MYO3A: variants seen among roughly 807,000 people sequenced by gnomAD.
MYO3A encodes the protein myosin-IIIa.
MYO3A carries 180 observed loss-of-function variants against 192.7 expected under a neutral mutation model. The observed-to-expected ratio is 0.93, with a 90% CI of 0.83 to 1.06. The LOEUF is 1.06. Among genes scored for constraint, MYO3A ranks in the 50% least tolerant of loss-of-function variants. The pLI, the probability that MYO3A is intolerant of heterozygous loss-of-function variation, is 0.00. For missense variants in MYO3A, 1,896 were observed against 1,905.0 expected (o/e 1.00, Z 0.09); for synonymous variants, 628 against 645.3 (o/e 0.97, Z 0.41).
At chr10:26,156,515 G>A (rs1318263344) in intron 25 of MYO3A, among the ~76,000 whole-genome samples, 5 of 152,088 alleles carry the variant, frequency 3.3e-5, no homozygotes, top group Non-Finnish European at 7.4e-5. Context: ...TCATATCTAT[G>A]TGAATTTTTT....
chr10:25,943,270 A>G (rs1291490677), intron 2 of MYO3A, among the ~76,000 whole-genome samples: 4 of 152,076 alleles, frequency 2.6e-5, no homozygotes, highest in Admixed American at 1.3e-4. Flanking sequence ...TACCAGTACC[A>G]CAATGATTTG....
chr10:26,178,858 G>A (rs1206455758), intron 31 of MYO3A, among the ~76,000 whole-genome samples: 1 of 151,510 alleles, frequency 6.6e-6, no homozygotes, highest in Non-Finnish European at 1.5e-5. Context: ...CTGTAGTGCA[G>A]TGGCGCGATC....
chr10:26,158,361 T>C (rs975761849), intron 26 of MYO3A, among the ~76,000 whole-genome samples: 16 of 150,238 alleles, frequency 1.1e-4, no homozygotes, highest in African/African-American at 4.0e-4. Flanking sequence ...CATGCCATTC[T>C]TCTGCCTCAG....
At chr10:26,147,346 T>C in intron 22 of MYO3A, 84 bp from the exon 23 acceptor site, 1 of 1,342,464 alleles carries the variant, frequency 7.4e-7, no homozygotes, top group Non-Finnish European at 1.1e-6. Flanking sequence ...ATAATGAGTA[T>C]CTGTTGTTGA....
chr10:26,208,427 T>G (rs1844073282), intron 34 of MYO3A, among the ~76,000 whole-genome samples: 1 of 152,218 alleles, frequency 6.6e-6, no homozygotes, highest in Admixed American at 6.5e-5. Context: ...GGTTTGAATC[T>G]GCACTCCACT....
At chr10:25,996,321 A>T (rs1840436360) in intron 4 of MYO3A, among the ~76,000 whole-genome samples, 169 bp from the exon 5 acceptor site, 1 of 152,222 alleles carries the variant, frequency 6.6e-6, no homozygotes, top group South Asian at 2.1e-4. Flanking sequence ...AATTTTACAC[A>T]AGTCTAAGTT....
intron 10 of MYO3A, among the ~76,000 whole-genome samples, chr10:26,061,861 A>ACAG: frequency 6.6e-6 from 1 of 151,964 alleles, no homozygotes; most frequent in African/African-American, 2.4e-5. Flanking sequence ...ATAAAAACAG[A>ACAG]AAATTCAGGG....
At chr10:26,138,448 C>A (rs1348247762) in intron 20 of MYO3A, among the ~76,000 whole-genome samples, 2 of 152,220 alleles carry the variant, frequency 1.3e-5, no homozygotes, top group East Asian at 3.9e-4. Context: ...TTTTAGAATT[C>A]TGTTAAAAGT....
chr10:26,157,248 C>T (rs1368124771), intron 25 of MYO3A, 62 bp from the exon 26 acceptor site: 3 of 1,430,110 alleles, frequency 2.1e-6, no homozygotes, highest in Non-Finnish European at 3.0e-6. Flanking sequence ...AAAAGAAAGG[C>T]CTACAAGCTC....
At chr10:26,009,342 C>A (rs1193053946) in intron 6 of MYO3A, among the ~76,000 whole-genome samples, 8 of 151,992 alleles carry the variant, frequency 5.3e-5, no homozygotes, top group Non-Finnish European at 7.4e-5. Context: ...ATGTAACTAA[C>A]CTGCACATTG....
intron 4 of MYO3A, among the ~76,000 whole-genome samples, chr10:25,959,578 C>A (rs532399421): frequency 2.0e-5 from 3 of 152,204 alleles, no homozygotes; most frequent in African/African-American, 7.2e-5. Flanking sequence ...TGTTTGGAGA[C>A]CTACCATGTG....
intron 31 of MYO3A, among the ~76,000 whole-genome samples, chr10:26,183,839 G>GAC (rs1313821113): frequency 6.6e-6 from 1 of 152,144 alleles, no homozygotes; most frequent in Non-Finnish European, 1.5e-5. Context: ...CTCAGAGCAG[G>GAC]ACAAGCACGT....
At chr10:26,008,082 A>G (rs1841359831) in intron 6 of MYO3A, among the ~76,000 whole-genome samples, 1 of 148,880 alleles carries the variant, frequency 6.7e-6, no homozygotes. Flanking sequence ...AACGCCGCAT[A>G]TCTACAACTA....
At position 26,110,545 on chromosome 10, in the gene MYO3A, A is replaced by C. The variant is rs1322128153; in HGVS notation, c.1777-10131A>C. Reference sequence around the variant, plus strand: ...AGCAAAGGTTGTCAGGATGTCTGGAATGATACATAAGGACAGGAACATTGG... The same window carrying C: ...AGCAAAGGTTGTCAGGATGTCTGGACTGATACATAAGGACAGGAACATTGG... On this transcript the variant is annotated intron_variant, in intron 17 of 34. Transcript: ENST00000642920. 2.6e-5 allele frequency among the ~76,000 whole-genome samples: 4 copies of C among 152,200 alleles called. No homozygotes were observed. The South Asian group carries it at 8.3e-4, about 31-fold the overall frequency.
intron 10 of MYO3A, among the ~76,000 whole-genome samples, chr10:26,036,249 AT>A (rs34659115): frequency 0.48 from 72,656 of 151,762 alleles, 18,178 homozygotes; most frequent in Middle Eastern, 0.59. Flanking sequence ...CCCTAAGACT[AT>A]TTTTTTAATT....
Position 26,026,402 on chromosome 10 carries a change from C to T in MYO3A, c.823C>T (p.Arg275Cys), listed in dbSNP as rs755478240. The part of the protein sequence containing the change: ...SKCLTKDYEK[R>C]PTVSELLQHK... Reference sequence around the variant, plus strand: ...GTGCTTGACTAAAGATTATGAAAAGCGTCCAACAGTGTCAGAACTTTTACA... The same window carrying T: ...GTGCTTGACTAAAGATTATGAAAAGTGTCCAACAGTGTCAGAACTTTTACA... The change falls in exon 10 of 35, where the codon CGT becomes TGT. Residue 275 changes from arginine to cysteine, a missense_variant. By Grantham distance (180) the Arg-to-Cys change is radical. Transcript: ENST00000642920. 91 of 1,613,956 alleles carry T rather than the reference C, an allele frequency of 5.6e-5. No homozygotes were observed. The highest frequency in any genetic ancestry group is 6.9e-5 in the Non-Finnish European group (82 of 1,179,994).
chr10:26,059,795 A>G lies in MYO3A; in HGVS notation c.954-7180A>G, dbSNP rs374709932. 5.0e-4 allele frequency among the ~76,000 whole-genome samples: 76 copies of G among 152,356 alleles called. 1 individual carries two copies. Among genetic ancestry groups the G allele is most frequent in the African/African-American group, 1.8e-3 (76 of 41,584 alleles). On this transcript the variant is annotated intron_variant, in intron 10 of 34. Coordinates refer to ENST00000642920, the MANE Select transcript of MYO3A (RefSeq NM_017433.5). ...CAGTAACCCCACAACACTTGGGAAA[A>G]TGCTTGCACGTGGCAGGGTCTCAAT...
intron 1 of MYO3A, 119 bp from the exon 2 acceptor site, chr10:25,935,625 A>C (rs1836009844): frequency 6.6e-6 from 1 of 152,198 alleles, no homozygotes; most frequent in African/African-American, 2.4e-5. Context: ...GTTACTGAGG[A>C]ATAAACTATT....
intron 14 of MYO3A, among the ~76,000 whole-genome samples, chr10:26,071,642 T>C (rs1401955803): frequency 6.6e-6 from 1 of 152,016 alleles, no homozygotes; most frequent in Non-Finnish European, 1.5e-5. Flanking sequence ...GTAAAGGACT[T>C]GTATATGAAA....
Sources: allele counts gnomAD v4.1 joint callset (sites outside exome capture counted in the v4.1 genomes callset), GRCh38; gene constraint gnomAD v4.1.1; transcripts MANE v1.5; gene names NCBI Gene and HGNC (gene_info 2026-07-23, HGNC 2026-07-21).